MGA: variants seen among roughly 807,000 people sequenced by gnomAD.
MGA encodes MAX dimerization protein MGA.
Under a neutral mutation model 261.1 loss-of-function variants are expected in MGA, and 40 were observed. The ratio of observed to expected loss-of-function variants is 0.15; its 90% CI spans 0.12 to 0.20. The LOEUF (loss-of-function observed/expected upper bound fraction) is 0.20, where lower values mean the gene tolerates loss of function less well. MGA is among the 10% of genes least tolerant of loss of function. The probability of loss-of-function intolerance (pLI) is 1.00; values close to 1 mark genes in which losing one functional copy is unlikely to be tolerated. For missense variants in MGA, 3,397 were observed against 3,630.5 expected, an observed-to-expected ratio of 0.94 and a Z score of 1.65; for synonymous variants, 1,302 against 1,290.6, an observed-to-expected ratio of 1.01 and a Z score of -0.19.
At chr15:41,629,980 T>C (rs766555025) in intron 1 of MGA, among the ~76,000 whole-genome samples, 17 of 152,318 alleles carry the variant, frequency 1.1e-4, no homozygotes, top group Non-Finnish European at 1.9e-4. Context: ...AATCCTCATG[T>C]TTTTGTCACT....
At chr15:41,713,612 A>T (rs2060485939) in intron 9 of MGA, 116 bp downstream of exon 9, 1 of 1,227,518 alleles carries the variant, frequency 8.1e-7, no homozygotes, top group Non-Finnish European at 1.1e-6. Context: ...GAGCTTTGAG[A>T]CTTCTTATTA....
rs2059547672 is a variant in MGA at position 41,696,265 on chromosome 15, G to T, written c.1255G>T (p.Asp419Tyr). ...GACGGATGTATACTCAAACAGTGAT[G>T]ATGATCCTATACTAGAGAAACAGCT... Residue 419 changes from aspartate (D) to tyrosine (Y), a missense_variant, in exon 3 of 24, where the codon GAT (aspartate) becomes TAT (tyrosine). Asp to Tyr is a radical substitution (Grantham distance 160, BLOSUM62 -3). This residue lies in a region of MGA where 563 missense variants were observed against 563.6 expected (regional missense o/e 1.00). Transcript: ENST00000219905. 1.2e-6 allele frequency: 2 copies of T among 1,613,904 alleles called. No homozygotes were observed. The highest frequency in any genetic ancestry group is 1.7e-5 in the Admixed American group (1 of 60,006).
chr15:41,740,590 T>A (rs187382379), intron 14 of MGA, among the ~76,000 whole-genome samples: 143 of 152,288 alleles, frequency 9.4e-4, no homozygotes, highest in Non-Finnish European at 1.2e-3. Flanking sequence ...TACTAAATTA[T>A]TTACTAAAAT....
chr15:41,753,988 G>GCAGCCTCGAACTGCAGCCTCGA (rs2062999739), intron 17 of MGA, among the ~76,000 whole-genome samples: 3 of 152,010 alleles, frequency 2.0e-5, no homozygotes, highest in Admixed American at 1.3e-4. Flanking sequence ...GTGCAGTCTT[G>GCAGCCTCGAACTGCAGCCTCGA]GGTCACTGCA....
At chr15:41,647,366 C>G (rs28612621) in intron 1 of MGA, among the ~76,000 whole-genome samples, 5,039 of 152,200 alleles carry the variant, frequency 0.033, 137 homozygotes, top group African/African-American at 0.07. Flanking sequence ...ATTCTCTGTC[C>G]TGAGCACTAG....
chr15:41,638,416 A>AGTGCAGT (rs2056753272), intron 1 of MGA, among the ~76,000 whole-genome samples: 1 of 151,098 alleles, frequency 6.6e-6, no homozygotes, highest in Admixed American at 6.6e-5. Context: ...CCCAGGCTGG[A>AGTGCAGT]GTGCAGTGTC....
chr15:41,705,290 G>T (rs774547826), intron 5 of MGA, among the ~76,000 whole-genome samples: 1 of 151,762 alleles, frequency 6.6e-6, no homozygotes, highest in Admixed American at 6.6e-5. Flanking sequence ...TTTACCTCTC[G>T]TAGGGACTTA....
intron 2 of MGA, among the ~76,000 whole-genome samples, chr15:41,683,196 G>C (rs1408835787): frequency 6.6e-6 from 1 of 152,000 alleles, no homozygotes; most frequent in Non-Finnish European, 1.5e-5. Context: ...ACCTTGGTGT[G>C]GTGGTTCTCA....
intron 3 of MGA, among the ~76,000 whole-genome samples, chr15:41,697,281 TA>T (rs1357889120): frequency 1.3e-5 from 2 of 152,124 alleles, no homozygotes; most frequent in Admixed American, 6.5e-5. Context: ...TAGCTGTGTT[TA>T]AAAAAAGTCT....
At chr15:41,681,307 C>A (rs746662831) in intron 2 of MGA, among the ~76,000 whole-genome samples, 5 of 151,502 alleles carry the variant, frequency 3.3e-5, no homozygotes, top group Non-Finnish European at 4.4e-5. Context: ...AAATAATTAT[C>A]AATTTTACAT....
chr15:41,702,945 TC>T (rs1034900537), intron 5 of MGA, among the ~76,000 whole-genome samples: 5 of 136,648 alleles, frequency 3.7e-5, no homozygotes, highest in Admixed American at 7.7e-5. Flanking sequence ...CTATTTTTTT[TC>T]CCCCCATTCC....
intron 1 of MGA, among the ~76,000 whole-genome samples, chr15:41,635,032 T>C (rs1407859996): frequency 2.6e-5 from 4 of 152,214 alleles, no homozygotes; most frequent in African/African-American, 9.6e-5. Context: ...GGCTGAAGTT[T>C]ATAATTAAGA....
chr15:41,708,295 C>A, intron 7 of MGA, 87 bp downstream of exon 7: 3 of 959,572 alleles, frequency 3.1e-6, no homozygotes, highest in South Asian at 3.4e-5. Context: ...TGTTTTTCTT[C>A]ATTCCTTCTC....
rs762161367 is a variant in MGA, at chr15:41,711,177, G to C, written c.2912G>C (p.Arg971Pro). The C allele has an allele frequency of 3.1e-6, 5 of 1,613,914 alleles. No individual in the cohort carries two copies. The highest frequency in any genetic ancestry group is 4.2e-6 in the Non-Finnish European group (5 of 1,179,900). The change falls in exon 8 of 24, where the codon CGG becomes CCG. Residue 971 changes from arginine (R) to proline (P), a missense_variant. By Grantham distance (103) the Arg-to-Pro change is moderately radical. Coordinates refer to ENST00000219905, the MANE Select transcript of MGA (RefSeq NM_001164273.2). ...ATATTTCCAAAGCAGATTAGTTTGC[G>C]GCAGGCACAGCAGCAGCAGCAACAG...
intron 1 of MGA, among the ~76,000 whole-genome samples, chr15:41,652,047 G>A (rs2057073598): frequency 8.4e-6 from 1 of 119,642 alleles, no homozygotes; most frequent in Non-Finnish European, 1.6e-5. Context: ...CTCACTGCAA[G>A]CTCCTCCTCT....
At position 41,736,272 on chromosome 15, in the gene MGA, T is replaced by G; in HGVS notation, c.4008T>G (p.Ile1336Met). The G allele has an allele frequency of 2.5e-6, 4 of 1,613,964 alleles. No individual in the cohort carries two copies. The highest frequency in any genetic ancestry group is 3.4e-6 in the Non-Finnish European group (4 of 1,179,818). ...CACCTGGTGGTCCCACCAAACTGAT[T>G]GAGATCATCTCAGACTGCAACTGGG... The change falls in exon 13 of 24, where the codon ATT becomes ATG. Residue 1336 changes from isoleucine to methionine, a missense_variant. Ile to Met is a conservative substitution (Grantham distance 10). Transcript: ENST00000219905.
chr15:41,638,593 T>C (rs2056756728), intron 1 of MGA, among the ~76,000 whole-genome samples: 1 of 151,926 alleles, frequency 6.6e-6, no homozygotes, highest in Non-Finnish European at 1.5e-5. Flanking sequence ...TTGCTTGTCT[T>C]GAACTCCTGG....
At chr15:41,680,700 C>CAG (rs1293571493) in intron 2 of MGA, among the ~76,000 whole-genome samples, 10 of 152,198 alleles carry the variant, frequency 6.6e-5, no homozygotes, top group African/African-American at 2.4e-4. Flanking sequence ...GTCTCACATG[C>CAG]AGAGCTTCCA....
At chr15:41,738,037 A>G (rs1170988531) in intron 13 of MGA, among the ~76,000 whole-genome samples, 2 of 152,016 alleles carry the variant, frequency 1.3e-5, no homozygotes, top group Non-Finnish European at 2.9e-5. Flanking sequence ...GTCTGATATT[A>G]TTGCAAAGTT....
Sources: allele counts gnomAD v4.1 joint callset (sites outside exome capture counted in the v4.1 genomes callset), GRCh38; gene constraint gnomAD v4.1.1; regional missense constraint gnomAD v4.1.1; transcripts MANE v1.5; gene names NCBI Gene and HGNC (gene_info 2026-07-23, HGNC 2026-07-21).